The following PPP2R3B variants were observed in gnomAD, a reference collection of about 807,000 sequenced individuals.
The protein encoded by PPP2R3B is serine/threonine-protein phosphatase 2A regulatory subunit B'' subunit beta.
Under a neutral mutation model 72.9 loss-of-function variants are expected in PPP2R3B, and 68 were observed. That is an observed-to-expected ratio of 0.93 (90% CI 0.77 to 1.14). The LOEUF is 1.14. Among genes scored for constraint, PPP2R3B ranks in the 50% most tolerant of loss-of-function variants. PPP2R3B has a pLI of 0.00. For missense variants in PPP2R3B, 1,018 were observed against 842.0 expected (o/e 1.21, Z -2.59); for synonymous variants, 466 against 375.8 (o/e 1.24, Z -2.78).
At chrX:367,526 G>A (rs2071747655) in intron 1 of PPP2R3B, among the ~76,000 whole-genome samples, 1 of 152,034 alleles carries the variant, frequency 6.6e-6, no homozygotes, top group Non-Finnish European at 1.5e-5. Context: ...GCCTCCCAAG[G>A]CGCTGGGATC....
chrX:360,975 C>CAG (rs35222175), intron 2 of PPP2R3B, among the ~76,000 whole-genome samples: 22,043 of 152,122 alleles, frequency 0.14, 1,918 homozygotes, highest in Admixed American at 0.22. Flanking sequence ...TGCCAGGAGA[C>CAG]GGGTCCACAG....
chrX:373,800 G>A (rs1183561791), intron 1 of PPP2R3B: 3 of 151,228 alleles, frequency 2.0e-5, no homozygotes, highest in Non-Finnish European at 4.4e-5. Flanking sequence ...TCTGGGGCCG[G>A]GGCCCGCGCC....
chrX:353,509 A>G (rs963267069), intron 2 of PPP2R3B, among the ~76,000 whole-genome samples: 70 of 152,222 alleles, frequency 4.6e-4, no homozygotes, highest in Admixed American at 7.2e-4. Context: ...TTCAAATAAA[A>G]ATAACACCCA....
intron 10 of PPP2R3B, among the ~76,000 whole-genome samples, chrX:339,233 T>C (rs1317130308): frequency 3.7e-5 from 5 of 135,026 alleles, no homozygotes; most frequent in Non-Finnish European, 8.0e-5. Context: ...GGCCAGAGGG[T>C]GTCCCGGGGA....
Position 345,497 on chromosome X carries a change from C to T in PPP2R3B, c.1036+19G>A. Reference sequence around the variant, plus strand: ...GCTCGGTGTCCGCGCGGCCCGCCCGCCCCTGTGCCCCCACGCACCGTGGTC... The same window carrying T: ...GCTCGGTGTCCGCGCGGCCCGCCCGTCCCTGTGCCCCCACGCACCGTGGTC... On this transcript the variant is annotated intron_variant, in intron 7 of 12. Transcript: ENST00000390665. 2 of 1,612,186 alleles carry T rather than the reference C, an allele frequency of 1.2e-6. No homozygotes were observed. The highest frequency in any genetic ancestry group is 1.7e-6 in the Non-Finnish European group (2 of 1,179,332).
At chrX:372,990 T>C (rs2071899231) in intron 1 of PPP2R3B, among the ~76,000 whole-genome samples, 2 of 152,122 alleles carry the variant, frequency 1.3e-5, no homozygotes, top group East Asian at 3.8e-4. Context: ...CCACGCTGCA[T>C]AAATAGTCCG....
At chrX:363,515 CGCG>C in intron 1 of PPP2R3B, among the ~76,000 whole-genome samples, 1 of 145,930 alleles carries the variant, frequency 6.9e-6, no homozygotes, top group Non-Finnish European at 1.5e-5. Flanking sequence ...TCCCCGAGCC[CGCG>C]ATCCCGCAGT....
At chrX:363,508 C>A (rs995958244) in intron 1 of PPP2R3B, among the ~76,000 whole-genome samples, 11 of 131,520 alleles carry the variant, frequency 8.4e-5, no homozygotes, top group African/African-American at 1.4e-4. Flanking sequence ...ATGCATCTCC[C>A]CGAGCCCGCG....
rs749424756 is a variant in PPP2R3B, at chrX:386,353, G to A, written c.324+15C>T. ...GCCACCTGCGCAGTTGTTAGCAGAA[G>A]GAAGAGTAACTTACTACTCTCGTCC... is the stretch of plus-strand genomic sequence containing the variant. On this transcript the variant is annotated intron_variant, in intron 1 of 12. Transcript: ENST00000390665. 7.1e-5 allele frequency: 93 copies of A among 1,309,748 alleles called. No individual in the cohort carries two copies. Among genetic ancestry groups the A allele is most frequent in the Non-Finnish European group, 6.5e-5 (66 of 1,021,520 alleles). The allele number at this position is 1,309,748 out of a possible 1,614,324, so 81.1% of individuals were successfully genotyped here.
In PPP2R3B at chrX:375,800, CCT is replaced by C. The variant is rs1200996715; in HGVS notation, c.324+10566_324+10567del. ...CGATCCTCACACTCAGGCAACATGCCCTGTCCTGCCACGCCAGGTGACACACG... is the reference window on the plus strand; with the variant it reads ...CGATCCTCACACTCAGGCAACATGCCGTCCTGCCACGCCAGGTGACACACG... On this transcript the variant is annotated intron_variant, in intron 1 of 12. Transcript: ENST00000390665. Among the ~76,000 whole-genome samples, 11 of 152,336 alleles carry C rather than the reference CCT, an allele frequency of 7.2e-5. No homozygotes were observed. The East Asian group carries it at 2.1e-3, about 29-fold the overall frequency.
chrX:360,116 T>C (rs905385332), intron 2 of PPP2R3B, among the ~76,000 whole-genome samples: 4 of 152,174 alleles, frequency 2.6e-5, no homozygotes, highest in Non-Finnish European at 4.4e-5. Flanking sequence ...TGCAAAATTA[T>C]TGGAATCCAG....
At position 341,351 on chromosome X, in the gene PPP2R3B, A is replaced by G; in HGVS notation, c.1131T>C (p.Phe377=). 1.2e-6 allele frequency: 2 copies of G among 1,612,656 alleles called. No individual in the cohort carries two copies. The change falls in exon 9 of 13, where the codon TTT becomes TTC. Residue 377 remains phenylalanine, a synonymous_variant. Coordinates refer to ENST00000390665, the MANE Select transcript of PPP2R3B (RefSeq NM_013239.5). ...QKEGKISYAD[F]VWFLISEEDK... ...CTTCCTCAGAGATCAAAAACCAGAC[A>G]AAGTCGGCATAGCTGATCTTCCCTT... is the stretch of plus-strand genomic sequence containing the variant.
At chrX:341,597 G>T (rs746057811) in intron 8 of PPP2R3B, 2 of 662,760 alleles carry the variant, frequency 3.0e-6, no homozygotes, top group African/African-American at 1.8e-5. Flanking sequence ...ATCCAGGCAG[G>T]GTCAGGAGTG....
chrX:358,473 C>A (rs2071478791), intron 2 of PPP2R3B, among the ~76,000 whole-genome samples: 1 of 152,246 alleles, frequency 6.6e-6, no homozygotes, highest in South Asian at 2.1e-4. Context: ...GTCTCTCGGA[C>A]TCCCAGCGGT....
At chrX:352,017 G>A (rs2071342235) in intron 2 of PPP2R3B, among the ~76,000 whole-genome samples, 1 of 152,132 alleles carries the variant, frequency 6.6e-6, no homozygotes. Context: ...GGCGTCTGGG[G>A]GATGAGAACT....
intron 12 of PPP2R3B, 80 bp from the exon 13 acceptor site, chrX:334,597 C>G: frequency 7.4e-7 from 1 of 1,351,748 alleles, no homozygotes; most frequent in Non-Finnish European, 9.5e-7. Flanking sequence ...ACAGGCTGCT[C>G]GGCCGCCAAC....
intron 7 of PPP2R3B, 119 bp from the exon 8 acceptor site, chrX:342,050 G>A: frequency 7.5e-7 from 1 of 1,341,472 alleles, no homozygotes; most frequent in Non-Finnish European, 1.1e-6. Context: ...GCCTGGGTCT[G>A]GGAGAGCCCC....
intron 1 of PPP2R3B, among the ~76,000 whole-genome samples, chrX:378,381 A>G (rs2072044872): frequency 6.6e-6 from 1 of 152,230 alleles, no homozygotes; most frequent in South Asian, 2.1e-4. Flanking sequence ...TAGGATAAAA[A>G]TGTGTCTTCC....
chrX:347,398 G>A (rs1026673857), intron 3 of PPP2R3B, 62 bp from the exon 4 acceptor site: 32 of 1,499,068 alleles, frequency 2.1e-5, no homozygotes, highest in Middle Eastern at 1.8e-4. Context: ...CCCCGCAGAC[G>A]CAGGGTGGAA....
Sources: allele counts gnomAD v4.1 joint callset (sites outside exome capture counted in the v4.1 genomes callset), GRCh38; gene constraint gnomAD v4.1.1; transcripts MANE v1.5; gene names NCBI Gene and HGNC (gene_info 2026-07-23, HGNC 2026-07-21).